TIMM44: variants seen among roughly 807,000 people sequenced by gnomAD.
The protein encoded by TIMM44 is mitochondrial import inner membrane translocase subunit TIM44.
In TIMM44, 37 loss-of-function variants were observed where a neutral mutation model predicts 63.8. The observed-to-expected ratio is 0.58, with a 90% CI of 0.45 to 0.76. The LOEUF is 0.76. TIMM44 is among the 30% of genes least tolerant of loss of function. The probability of loss-of-function intolerance (pLI) is 0.00; values close to 1 mark genes in which losing one functional copy is unlikely to be tolerated. For missense variants in TIMM44, 573 were observed against 603.8 expected (o/e 0.95, Z 0.54); for synonymous variants, 239 against 245.1 (o/e 0.98, Z 0.23).
rs112559467 is a variant in TIMM44 at position 7,934,119 on chromosome 19, G to A, written c.513C>T (p.Gly171=). 9.7e-5 allele frequency: 157 copies of A among 1,613,312 alleles called. 1 individual carries two copies. In the African/African-American group the frequency reaches 1.8e-3, roughly 18 times the overall value. ...AGAGGGCTCTGAAGGCCGCTGTCCT[G>A]CCCAGCTTCTCCCCGCCTTTGGATA... ...ESVSKGGEKL[G]RTAAFRALSQ... Residue 171 remains glycine (G), a synonymous_variant, in exon 5 of 13, where the codon GGC becomes GGT. Coordinates refer to ENST00000270538, the MANE Select transcript of TIMM44 (RefSeq NM_006351.4). This position sits in a 1 kb window ranked among gnomAD's most constrained non-coding sequence, Gnocchi z 5.3.
intron 3 of TIMM44, among the ~76,000 whole-genome samples, chr19:7,936,725 T>C (rs1984164539): frequency 6.6e-6 from 1 of 152,024 alleles, no homozygotes; most frequent in African/African-American, 2.4e-5. Context: ...CCCAGCACTT[T>C]GGGAAGCTGA....
At chr19:7,942,955 CGGAGGCAGAA>C (rs1379705277) in intron 1 of TIMM44, among the ~76,000 whole-genome samples, 140 of 145,966 alleles carry the variant, frequency 9.6e-4, no homozygotes, top group African/African-American at 3.4e-3. Context: ...CGCTTGAACC[CGGAGGCAGAA>C]GGAGGCAGAA....
chr19:7,932,803 A>G, intron 8 of TIMM44, 37 bp downstream of exon 8: 1 of 1,614,068 alleles, frequency 6.2e-7, no homozygotes, highest in Non-Finnish European at 8.5e-7. Flanking sequence ...ACCCCGCCCC[A>G]CCACCAGCCT....
In TIMM44 at chr19:7,933,928, G is replaced by A. The variant is rs1162523536; in HGVS notation, c.619C>T (p.Leu207Phe). Residue 207 changes from leucine (L) to phenylalanine (F), a missense_variant, in exon 6 of 13, where the codon CTC (leucine) becomes TTC (phenylalanine). Coordinates refer to ENST00000270538, the MANE Select transcript of TIMM44 (RefSeq NM_006351.4). This position sits in a 1 kb window ranked among gnomAD's most constrained non-coding sequence, Gnocchi z 4.3. ...CCCGCAAACTCCGTTCTCTTCCGGA[G>A]TCGCTGGGGCCTCCGGTAGGGCCCG... ...QTGPYRRPQR[L>F]RKRTEFAGDK... The A allele has an allele frequency of 2.5e-6, 4 of 1,614,066 alleles. No homozygotes were observed. In the Admixed American group the frequency reaches 5.0e-5, roughly 20 times the overall value.
rs546602728 is a variant in TIMM44, at chr19:7,943,040, C to CAA, written c.45+565_45+566dup. On this transcript the variant is annotated intron_variant, in intron 1 of 12. Coordinates refer to ENST00000270538, the MANE Select transcript of TIMM44 (RefSeq NM_006351.4). This position sits in a 1 kb window ranked among gnomAD's most constrained non-coding sequence, Gnocchi z 4.3. The stretch of plus-strand genomic sequence containing the variant: ...GGGCGACAAGAGCGAAACTCTGTCT[C>CAA]AAAAAAAAAAAAAAAAGAGAAAAAA... 9.2e-3 allele frequency among the ~76,000 whole-genome samples: 775 copies of CAA among 83,986 alleles called. 11 individuals are homozygous for CAA. Among genetic ancestry groups the CAA allele is most frequent in the African/African-American group, 0.027 (698 of 25,488 alleles). The allele number at this position is 83,986 out of a possible 152,430, so 55.1% of individuals were successfully genotyped here.
intron 10 of TIMM44, among the ~76,000 whole-genome samples, chr19:7,930,290 TCCA>T (rs1013818403): frequency 5.5e-5 from 8 of 144,520 alleles, no homozygotes; most frequent in African/African-American, 2.1e-4. Flanking sequence ...GGTGCCTGCC[TCCA>T]TGCTTGGCTC....
At chr19:7,937,636 C>T (rs1296571194) in intron 3 of TIMM44, among the ~76,000 whole-genome samples, 1 of 152,174 alleles carries the variant, frequency 6.6e-6, no homozygotes, top group Non-Finnish European at 1.5e-5. Flanking sequence ...GCCACCCTGC[C>T]CCCAACCGTC....
intron 2 of TIMM44, among the ~76,000 whole-genome samples, chr19:7,940,887 C>T (rs1984288814): frequency 6.6e-6 from 1 of 152,046 alleles, no homozygotes; most frequent in African/African-American, 2.4e-5. Context: ...CACCTTATCC[C>T]CTTACGACAT....
chr19:7,941,108 C>T lies in TIMM44; in HGVS notation c.135G>A (p.Leu45=). The T allele has an allele frequency of 6.2e-7, 1 of 1,613,772 alleles. No homozygotes were observed. Among genetic ancestry groups the T allele is most frequent in the South Asian group, 1.1e-5 (1 of 91,070 alleles). ...AGCATCCTGAGTCACTCACCAGTGGCAGCTCTCCGCCCGGCCGGCGCATCT... is the reference window on the plus strand; with the variant it reads ...AGCATCCTGAGTCACTCACCAGTGGTAGCTCTCCGCCCGGCCGGCGCATCT... The part of the protein sequence containing the change: ...TYQMRRPGGE[L]PLSKSYSSGN... Residue 45 remains leucine (L), a synonymous_variant, in exon 2 of 13, where the codon CTG becomes CTA. Transcript: ENST00000270538.
chr19:7,929,579 G>C (rs1230828151), intron 10 of TIMM44, among the ~76,000 whole-genome samples: 3 of 152,156 alleles, frequency 2.0e-5, no homozygotes, highest in Non-Finnish European at 4.4e-5. Context: ...CACTGCCCTG[G>C]TTTCTGTGAT....
chr19:7,931,173 C>G lies in TIMM44; in HGVS notation c.1003G>C (p.Glu335Gln). The change falls in exon 10 of 13, where the codon GAG (glutamate) becomes CAG (glutamine). Residue 335 changes from glutamate (E) to glutamine (Q), a missense_variant. Physicochemically the swap from Glu to Gln is conservative, Grantham distance 29. Transcript: ENST00000270538. Reference sequence around the variant, plus strand: ...CACCAGTCTTTGAGAATGTCAAGCTCTCCAGAAATCATGGCCTAAAAAGGA... The same window carrying G: ...CACCAGTCTTTGAGAATGTCAAGCTGTCCAGAAATCATGGCCTAAAAAGGA... ...PNVLEAMISG[E>Q]LDILKDWCYE... 6.2e-7 allele frequency: 1 copy of G among 1,613,814 alleles called. No homozygotes were observed. The highest frequency in any genetic ancestry group is 8.5e-7 in the Non-Finnish European group (1 of 1,179,928).
chr19:7,932,372 A>G (rs1216546280), intron 9 of TIMM44: 2 of 548,576 alleles, frequency 3.6e-6, no homozygotes, highest in African/African-American at 3.8e-5. Flanking sequence ...CCTCAAAGGA[A>G]CAACAGCCTC....
chr19:7,942,942 A>G (rs1877853225), intron 1 of TIMM44, among the ~76,000 whole-genome samples: 1 of 149,736 alleles, frequency 6.7e-6, no homozygotes, highest in Admixed American at 6.6e-5. Context: ...GAGGCAGGAG[A>G]ATCGCTTGAA....
intron 10 of TIMM44, chr19:7,929,021 ATCT>A (rs960009733): frequency 2.0e-5 from 3 of 151,986 alleles, no homozygotes; most frequent in Admixed American, 2.0e-4. Context: ...AAAATCTGAC[ATCT>A]TCTCCTCTGC....
At chr19:7,929,437 AC>A (rs1381475553) in intron 10 of TIMM44, among the ~76,000 whole-genome samples, 4 of 152,116 alleles carry the variant, frequency 2.6e-5, no homozygotes, top group African/African-American at 9.7e-5. Flanking sequence ...GGGGAGGGGC[AC>A]CCACTGCCGC....
intron 2 of TIMM44, 95 bp from the exon 3 acceptor site, chr19:7,938,292 C>T: frequency 2.1e-6 from 2 of 960,980 alleles, no homozygotes; most frequent in Non-Finnish European, 3.1e-6. Context: ...TTTAAATGTT[C>T]TCTTTTCGGT....
chr19:7,933,656 G>A lies in TIMM44; in HGVS notation c.684-86C>T. On this transcript the variant is annotated intron_variant, in intron 6 of 12. Coordinates refer to ENST00000270538, the MANE Select transcript of TIMM44 (RefSeq NM_006351.4). The surrounding 1 kb of genome is among the most constrained non-coding windows in gnomAD (Gnocchi z 4.3). ...GCGGCTGCAGGCAGGGGGCAGTACA[G>A]GACAGCAGGCAGCTGAGACCTCAAA... 1 of 1,358,478 alleles carries A rather than the reference G, an allele frequency of 7.4e-7. No individual in the cohort carries two copies. Among genetic ancestry groups the A allele is most frequent in the Non-Finnish European group, 1.1e-6 (1 of 950,426 alleles). The allele number at this position is 1,358,478 out of a possible 1,614,324, so 84.2% of individuals were successfully genotyped here.
intron 1 of TIMM44, among the ~76,000 whole-genome samples, chr19:7,942,939 G>A (rs1378028200): frequency 1.3e-5 from 2 of 148,402 alleles, no homozygotes; most frequent in Non-Finnish European, 1.5e-5. Flanking sequence ...GCTGAGGCAG[G>A]AGAATCGCTT....
intron 10 of TIMM44, 36 bp downstream of exon 10, chr19:7,931,102 T>C: frequency 1.4e-6 from 2 of 1,399,138 alleles, no homozygotes; most frequent in South Asian, 2.4e-5. Flanking sequence ...TTTTAGGCCT[T>C]AAAAAAAAAA....
Sources: gnomAD v4.1 joint callset for allele counts (sites outside exome capture counted in the v4.1 genomes callset) on GRCh38, gnomAD v4.1.1 for gene constraint, Gnocchi (gnomAD v3.1) non-coding constraint, MANE v1.5 for transcripts, NCBI Gene and HGNC (gene_info 2026-07-23, HGNC 2026-07-21) for gene names.